PAPSS1: variants seen among roughly 807,000 people sequenced by gnomAD.
PAPSS1 encodes 3'-phosphoadenosine 5'-phosphosulfate synthase 1, also known as bifunctional 3'-phosphoadenosine 5'-phosphosulfate synthase 1.
A neutral mutation model predicts 72.0 loss-of-function variants in PAPSS1; 50 were observed. The ratio of observed to expected loss-of-function variants is 0.69; its 90% CI spans 0.55 to 0.88. PAPSS1 has a LOEUF of 0.88. PAPSS1 is among the 40% of genes least tolerant of loss of function. PAPSS1 has a pLI of 0.00. For synonymous variants in PAPSS1, 261 were observed against 263.6 expected, an observed-to-expected ratio of 0.99 and a Z score of 0.09; for missense variants, 657 against 782.2, an observed-to-expected ratio of 0.84 and a Z score of 1.91.
At chr4:107,708,702 C>T (rs1441414831) in intron 1 of PAPSS1, among the ~76,000 whole-genome samples, 1 of 152,158 alleles carries the variant, frequency 6.6e-6, no homozygotes, top group Non-Finnish European at 1.5e-5. Context: ...TTTCTTGCCT[C>T]CTACATTTAA....
chr4:107,643,501 C>T (rs994658957), intron 10 of PAPSS1, among the ~76,000 whole-genome samples: 1 of 152,182 alleles, frequency 6.6e-6, no homozygotes, highest in African/African-American at 2.4e-5. Flanking sequence ...GAATCCTGCT[C>T]CCTTCCTTTC....
intron 1 of PAPSS1, among the ~76,000 whole-genome samples, chr4:107,701,895 T>C (rs959790776): frequency 1.3e-5 from 2 of 151,554 alleles, no homozygotes; most frequent in Non-Finnish European, 2.9e-5. Context: ...GAGATGCCTA[T>C]GGGTATCATG....
In PAPSS1 at chr4:107,701,976, C is replaced by CAA. The variant is rs11328129; in HGVS notation, c.61-693_61-692dup. On this transcript the variant is annotated intron_variant, in intron 1 of 11. Transcript: ENST00000265174. ...ACTTCATGTTCTCCCAAAGCTGCTT[C>CAA]AAAAAAAAAAAAAAAAGCATAAAAT... Among the ~76,000 whole-genome samples the CAA allele has an allele frequency of 5.6e-3, 755 of 133,916 alleles. 5 individuals carry two copies. The highest frequency in any genetic ancestry group is 0.02 in the African/African-American group (707 of 35,734). The allele number at this position is 133,916 out of a possible 152,430, so 87.9% of individuals were successfully genotyped here. A position where few individuals can be genotyped will look rare whatever the true frequency, so the allele number is the denominator to read the frequency against.
intron 10 of PAPSS1, among the ~76,000 whole-genome samples, chr4:107,637,389 A>C (rs1322645539): frequency 2.0e-5 from 3 of 152,176 alleles, no homozygotes; most frequent in African/African-American, 7.2e-5. Flanking sequence ...ACAAATTAAA[A>C]ACCTACTTTT....
intron 1 of PAPSS1, among the ~76,000 whole-genome samples, chr4:107,707,918 C>G (rs748564061): frequency 2.0e-5 from 3 of 152,100 alleles, no homozygotes; most frequent in Non-Finnish European, 4.4e-5. Flanking sequence ...GATTAAGGAT[C>G]TCTTTTCCTA....
chr4:107,638,810 T>C (rs1488064036), intron 10 of PAPSS1, among the ~76,000 whole-genome samples: 2 of 152,196 alleles, frequency 1.3e-5, no homozygotes, highest in Non-Finnish European at 2.9e-5. Context: ...CTGTACAAAA[T>C]GTTTTATAAA....
intron 5 of PAPSS1, 146 bp downstream of exon 5, chr4:107,681,869 T>C: frequency 1.8e-6 from 1 of 564,376 alleles, no homozygotes; most frequent in East Asian, 3.0e-5. Context: ...CACACTGACA[T>C]ACAGACACAG....
At chr4:107,702,739 C>A (rs1723237064) in intron 1 of PAPSS1, among the ~76,000 whole-genome samples, 1 of 151,968 alleles carries the variant, frequency 6.6e-6, no homozygotes, top group Non-Finnish European at 1.5e-5. Context: ...TTTTTTTAAT[C>A]CATTTATCAA....
intron 11 of PAPSS1, among the ~76,000 whole-genome samples, chr4:107,629,138 A>G (rs375392553): frequency 6.6e-5 from 10 of 152,342 alleles, no homozygotes; most frequent in East Asian, 5.8e-4. Flanking sequence ...AGGGTAAGAC[A>G]TCAGTTTGAA....
Position 107,615,868 on chromosome 4 carries a change from C to G in PAPSS1, c.1737-1481G>C, listed in dbSNP as rs144237842. On this transcript the variant is annotated intron_variant, in intron 11 of 11. Coordinates refer to ENST00000265174, the MANE Select transcript of PAPSS1 (RefSeq NM_005443.5). ...AAGAAAGAGACAGGAGATTCTTGCT[C>G]TTTCCTCTACATAAGGACACAGCAA... Among the ~76,000 whole-genome samples, 238 of 152,276 alleles carry G rather than the reference C, an allele frequency of 1.6e-3. 5 individuals carry two copies. In the East Asian group the frequency reaches 0.038, roughly 24 times the overall value.
At chr4:107,629,399 A>T (rs368427681) in intron 11 of PAPSS1, among the ~76,000 whole-genome samples, 16 of 152,226 alleles carry the variant, frequency 1.1e-4, no homozygotes, top group East Asian at 3.9e-4. Context: ...CATGCCCAGG[A>T]CCAACAATTT....
At chr4:107,649,155 G>T (rs906360109) in intron 9 of PAPSS1, among the ~76,000 whole-genome samples, 1 of 152,206 alleles carries the variant, frequency 6.6e-6, no homozygotes, top group Admixed American at 6.5e-5. Context: ...GTCCCTCAGG[G>T]CTTCCCCTAG....
At chr4:107,689,766 C>T (rs775948926) in intron 3 of PAPSS1, among the ~76,000 whole-genome samples, 2 of 152,064 alleles carry the variant, frequency 1.3e-5, no homozygotes, top group Non-Finnish European at 2.9e-5. Context: ...ACTCTAAAAC[C>T]AATTTCCTAG....
intron 2 of PAPSS1, among the ~76,000 whole-genome samples, chr4:107,695,510 A>C (rs1239243839): frequency 6.6e-6 from 1 of 152,170 alleles, no homozygotes; most frequent in East Asian, 1.9e-4. Flanking sequence ...CGCCCTGGCC[A>C]GAACTTCCAA....
intron 10 of PAPSS1, among the ~76,000 whole-genome samples, chr4:107,637,809 C>T (rs1297888670): frequency 6.6e-6 from 1 of 152,114 alleles, no homozygotes; most frequent in Non-Finnish European, 1.5e-5. Flanking sequence ...TGTGTTAATG[C>T]TATAAAAATT....
intron 1 of PAPSS1, among the ~76,000 whole-genome samples, chr4:107,717,539 T>A (rs1560596330): frequency 6.6e-6 from 1 of 152,168 alleles, no homozygotes; most frequent in Non-Finnish European, 1.5e-5. Flanking sequence ...AGTTACATAG[T>A]TAATAAATAG....
intron 11 of PAPSS1, among the ~76,000 whole-genome samples, chr4:107,625,180 A>T (rs2110298310): frequency 6.8e-6 from 1 of 147,956 alleles, no homozygotes; most frequent in South Asian, 2.2e-4. Flanking sequence ...AGAAATGTTC[A>T]CTAGTGTGGC....
intron 5 of PAPSS1, among the ~76,000 whole-genome samples, chr4:107,679,875 G>C (rs1018654591): frequency 6.6e-6 from 1 of 151,322 alleles, no homozygotes; most frequent in South Asian, 2.1e-4. Flanking sequence ...AATTTCAACA[G>C]AAAAATGAAT....
At chr4:107,688,121 C>T (rs1722835128) in intron 3 of PAPSS1, among the ~76,000 whole-genome samples, 1 of 152,126 alleles carries the variant, frequency 6.6e-6, no homozygotes, top group African/African-American at 2.4e-5. Flanking sequence ...TAGGAATTCC[C>T]TCCCCTTTCA....
Sources: gnomAD v4.1 joint callset for allele counts (sites outside exome capture counted in the v4.1 genomes callset) on GRCh38, gnomAD v4.1.1 for gene constraint, MANE v1.5 for transcripts, NCBI Gene and HGNC (gene_info 2026-07-23, HGNC 2026-07-21) for gene names.